LRRC4C: variants seen among roughly 807,000 people sequenced by gnomAD.
LRRC4C encodes leucine-rich repeat-containing protein 4C.
A neutral mutation model predicts 33.6 loss-of-function variants in LRRC4C; 5 were observed. The ratio of observed to expected loss-of-function variants is 0.15; its 90% confidence interval spans 0.08 to 0.31. The LOEUF is 0.31. Ranked by LOEUF, LRRC4C falls within the 10% of genes least tolerant of loss-of-function variation. The probability of loss-of-function intolerance (pLI) is 1.00; values close to 1 mark genes in which losing one functional copy is unlikely to be tolerated. For synonymous variants in LRRC4C, 329 were observed against 302.0 expected, an observed-to-expected ratio of 1.09 and a Z score of -0.93; for missense variants, 560 against 796.7, an observed-to-expected ratio of 0.70 and a Z score of 3.58.
At chr11:40,786,683 T>C (rs1443237237) in intron 2 of LRRC4C, among the ~76,000 whole-genome samples, 2 of 152,154 alleles carry the variant, frequency 1.3e-5, no homozygotes, top group Admixed American at 1.3e-4. Context: ...CATTGGTGTA[T>C]GTAACAAGGG....
At chr11:40,403,572 A>G (rs1037754573) in intron 3 of LRRC4C, among the ~76,000 whole-genome samples, 3 of 152,146 alleles carry the variant, frequency 2.0e-5, no homozygotes, top group African/African-American at 7.2e-5. Context: ...TGAAAATTGG[A>G]CAATCAGTGA....
intron 3 of LRRC4C, among the ~76,000 whole-genome samples, chr11:40,465,143 A>G (rs1952590142): frequency 1.3e-5 from 2 of 152,084 alleles, no homozygotes; most frequent in Non-Finnish European, 2.9e-5. Flanking sequence ...TAGAGAATCC[A>G]GAAATCAAGC....
chr11:40,712,495 T>C (rs1946517021), intron 2 of LRRC4C, among the ~76,000 whole-genome samples: 1 of 152,210 alleles, frequency 6.6e-6, no homozygotes, highest in Non-Finnish European at 1.5e-5. Context: ...TCTTGAATTG[T>C]AGTTCATGGG....
At chr11:41,263,546 T>G (rs1175784690) in intron 1 of LRRC4C, among the ~76,000 whole-genome samples, 3 of 152,182 alleles carry the variant, frequency 2.0e-5, no homozygotes, top group Non-Finnish European at 4.4e-5. Context: ...GATAATTGTT[T>G]TCTGCTAGTG....
intron 1 of LRRC4C, among the ~76,000 whole-genome samples, chr11:41,338,584 A>G (rs975684168): frequency 6.6e-6 from 1 of 151,882 alleles, no homozygotes; most frequent in African/African-American, 2.4e-5. Flanking sequence ...AATAGCTAAC[A>G]CATATGGTGC....
At chr11:40,664,761 G>GT (rs1364133515) in intron 2 of LRRC4C, among the ~76,000 whole-genome samples, 3 of 151,878 alleles carry the variant, frequency 2.0e-5, no homozygotes, top group East Asian at 1.9e-4. Flanking sequence ...ATGTGGTTCT[G>GT]TTTTTTTAAT....
chr11:40,958,019 G>T (rs1320938949), intron 1 of LRRC4C, among the ~76,000 whole-genome samples: 1 of 151,608 alleles, frequency 6.6e-6, no homozygotes, highest in Non-Finnish European at 1.5e-5. Context: ...ATTGGGATTT[G>T]TGCCTTTATA....
At chr11:40,542,122 A>C (rs1956742788) in intron 3 of LRRC4C, among the ~76,000 whole-genome samples, 1 of 137,432 alleles carries the variant, frequency 7.3e-6, no homozygotes, top group African/African-American at 2.7e-5. Flanking sequence ...CACATTTTTT[A>C]TATGACTGCC....
chr11:41,020,804 G>A (rs1002125706), intron 1 of LRRC4C, among the ~76,000 whole-genome samples: 1 of 152,128 alleles, frequency 6.6e-6, no homozygotes, highest in Non-Finnish European at 1.5e-5. Flanking sequence ...CTTCCAAGTT[G>A]CTTGGGTTTT....
intron 1 of LRRC4C, among the ~76,000 whole-genome samples, chr11:41,259,561 A>G (rs908190874): frequency 6.6e-6 from 1 of 152,036 alleles, no homozygotes; most frequent in Non-Finnish European, 1.5e-5. Context: ...AAAAGAAGGC[A>G]TTGTTTAATC....
At chr11:40,180,502 T>G (rs2135513812) in intron 5 of LRRC4C, among the ~76,000 whole-genome samples, 1 of 152,306 alleles carries the variant, frequency 6.6e-6, no homozygotes, top group African/African-American at 2.4e-5. Flanking sequence ...ACCAGAAGTA[T>G]GTTCTACGTG....
chr11:41,153,425 G>C (rs2135979469), intron 1 of LRRC4C, among the ~76,000 whole-genome samples: 1 of 152,196 alleles, frequency 6.6e-6, no homozygotes, highest in Non-Finnish European at 1.5e-5. Flanking sequence ...TTCATTGAAA[G>C]CCCAAATCAG....
chr11:40,956,263 A>G (rs1958950892), intron 1 of LRRC4C, among the ~76,000 whole-genome samples: 1 of 151,776 alleles, frequency 6.6e-6, no homozygotes, highest in Non-Finnish European at 1.5e-5. Flanking sequence ...ACATTCTTAT[A>G]CTTATTTGCT....
At chr11:40,499,904 A>G (rs1472378743) in intron 3 of LRRC4C, among the ~76,000 whole-genome samples, 1 of 152,106 alleles carries the variant, frequency 6.6e-6, no homozygotes, top group African/African-American at 2.4e-5. Flanking sequence ...AAGAAAACTA[A>G]TGAGACCTAG....
intron 1 of LRRC4C, among the ~76,000 whole-genome samples, chr11:41,339,044 T>C (rs1951548135): frequency 6.6e-6 from 1 of 152,176 alleles, no homozygotes; most frequent in South Asian, 2.1e-4. Context: ...GGTAGATTAT[T>C]ATGTTTGAAA....
At chr11:40,898,285 C>T (rs1461097119) in intron 2 of LRRC4C, among the ~76,000 whole-genome samples, 1 of 127,902 alleles carries the variant, frequency 7.8e-6, no homozygotes, top group Non-Finnish European at 1.6e-5. Context: ...ACCCGGGAGG[C>T]GGAGGTTGTG....
At chr11:40,990,033 TA>T (rs1853399696) in intron 1 of LRRC4C, among the ~76,000 whole-genome samples, 2 of 151,126 alleles carry the variant, frequency 1.3e-5, no homozygotes, top group African/African-American at 4.9e-5. Context: ...CTTATTTATA[TA>T]AGGGGCTTGA....
chr11:40,480,123 A>T (rs1373895992), intron 3 of LRRC4C, among the ~76,000 whole-genome samples: 2 of 152,074 alleles, frequency 1.3e-5, no homozygotes, highest in Non-Finnish European at 2.9e-5. Flanking sequence ...CAGAGATATA[A>T]AGCTAAGCAG....
intron 3 of LRRC4C, among the ~76,000 whole-genome samples, chr11:40,538,597 G>GCA (rs1956576046): frequency 6.6e-6 from 1 of 152,128 alleles, no homozygotes; most frequent in South Asian, 2.1e-4. Context: ...AAACATACGT[G>GCA]TGCATGTGTC....
Sources: gnomAD v4.1 joint callset for allele counts (sites outside exome capture counted in the v4.1 genomes callset) on GRCh38, gnomAD v4.1.1 for gene constraint, MANE v1.5 for transcripts, NCBI Gene and HGNC (gene_info 2026-07-23, HGNC 2026-07-21) for gene names.